Variants in TCF12 observed in about 807,000 individuals in gnomAD.
TCF12 encodes the protein DNA-binding protein HTF4.
In TCF12, 45 loss-of-function variants were observed where a neutral mutation model predicts 86.0. The ratio of observed to expected loss-of-function variants is 0.52; its 90% CI spans 0.41 to 0.67. The LOEUF (loss-of-function observed/expected upper bound fraction) is 0.67. TCF12 is among the 30% of genes least tolerant of loss of function. The pLI is 0.00. For missense variants in TCF12, 881 were observed against 859.9 expected, an observed-to-expected ratio of 1.02 and a Z score of -0.31; for synonymous variants, 330 against 299.6, an observed-to-expected ratio of 1.10 and a Z score of -1.05.
At chr15:56,926,294 C>CA (rs1277834415) in intron 3 of TCF12, among the ~76,000 whole-genome samples, 2 of 141,950 alleles carry the variant, frequency 1.4e-5, no homozygotes, top group Non-Finnish European at 1.5e-5. Flanking sequence ...GCCTGGGTGA[C>CA]AGAGGGAGAC....
At chr15:57,219,068 A>C (rs1454389467) in intron 8 of TCF12, 2 of 1,053,702 alleles carry the variant, frequency 1.9e-6, no homozygotes, top group African/African-American at 1.7e-5. Context: ...GTAACGCTGG[A>C]GGTGTAGCAA....
chr15:56,931,069 G>A (rs534428656), intron 3 of TCF12, among the ~76,000 whole-genome samples: 4 of 151,402 alleles, frequency 2.6e-5, no homozygotes, highest in South Asian at 2.1e-4. Context: ...CCTCTCCCTC[G>A]TTCCTTCACC....
At chr15:57,104,096 A>G (rs1318507621) in intron 5 of TCF12, among the ~76,000 whole-genome samples, 1 of 152,228 alleles carries the variant, frequency 6.6e-6, no homozygotes, top group Non-Finnish European at 1.5e-5. Context: ...AGAGTAATGT[A>G]TTATTGCAGT....
intron 4 of TCF12, among the ~76,000 whole-genome samples, chr15:57,066,823 A>G (rs2068919703): frequency 6.6e-6 from 1 of 152,214 alleles, no homozygotes; most frequent in South Asian, 2.1e-4. Context: ...ATTGTATGTT[A>G]TATGTTACTG....
At chr15:57,024,214 G>GTTTT in intron 3 of TCF12, among the ~76,000 whole-genome samples, 1 of 114,864 alleles carries the variant, frequency 8.7e-6, no homozygotes, top group African/African-American at 3.9e-5. Flanking sequence ...TCAAAAAAGT[G>GTTTT]TCTTTTTTTT....
chr15:56,920,927 T>C, intron 2 of TCF12, 99 bp from the exon 3 acceptor site: 1 of 866,376 alleles, frequency 1.2e-6, no homozygotes, highest in Non-Finnish European at 1.7e-6. Flanking sequence ...AACTTCCCTC[T>C]GAAATTTAAT....
At chr15:57,091,739 C>G in intron 4 of TCF12, 50 bp from the exon 5 acceptor site, 1 of 1,379,768 alleles carries the variant, frequency 7.2e-7, no homozygotes, top group Non-Finnish European at 1.0e-6. Context: ...GCTCAATTAG[C>G]GGGACTGCCA....
At chr15:56,930,694 T>G (rs893068478) in intron 3 of TCF12, among the ~76,000 whole-genome samples, 1 of 147,642 alleles carries the variant, frequency 6.8e-6, no homozygotes, top group Non-Finnish European at 1.5e-5. Flanking sequence ...TTTATCTAAG[T>G]ATCAGCTAGT....
intron 5 of TCF12, among the ~76,000 whole-genome samples, chr15:57,155,913 T>C (rs917331934): frequency 6.6e-6 from 1 of 152,220 alleles, no homozygotes; most frequent in Non-Finnish European, 1.5e-5. Context: ...GCTATTTATG[T>C]ATTTTCTTTA....
rs71113066 is a variant in TCF12 at position 57,123,968 on chromosome 15, C to CAAAA, written c.325+32088_325+32091dup. Reference sequence around the variant, plus strand: ...TGGGCGACAGAGTGAGACTCCGTCTCAAAAAAAAAAAAAATTTTTTTTTTT... The same window carrying CAAAA: ...TGGGCGACAGAGTGAGACTCCGTCTCAAAAAAAAAAAAAAAAAATTTTTTTTTTT... On this transcript the variant is annotated intron_variant, in intron 5 of 20. Coordinates refer to ENST00000333725, the MANE Select transcript of TCF12 (RefSeq NM_207037.2). Among the ~76,000 whole-genome samples, 24 of 81,098 alleles carry CAAAA rather than the reference C, an allele frequency of 3.0e-4. 2 individuals carry two copies. The East Asian group carries it at 5.5e-3, about 19-fold the overall frequency. 53.2% of individuals were successfully genotyped at this position (81,098 alleles called of 152,430 possible). A position where few individuals can be genotyped will look rare whatever the true frequency, so the allele number is the denominator to read the frequency against.
intron 3 of TCF12, among the ~76,000 whole-genome samples, chr15:56,955,373 A>AAG: frequency 6.6e-6 from 1 of 151,496 alleles, no homozygotes; most frequent in Admixed American, 6.6e-5. Flanking sequence ...GACACAGGGT[A>AAG]GGGAACATCA....
At chr15:57,127,452 A>G (rs1292715682) in intron 5 of TCF12, among the ~76,000 whole-genome samples, 1 of 152,152 alleles carries the variant, frequency 6.6e-6, no homozygotes, top group African/African-American at 2.4e-5. Flanking sequence ...GGCAACCTAT[A>G]ATAGAGTAGC....
At chr15:57,275,217 A>G (rs1401364217) in intron 19 of TCF12, among the ~76,000 whole-genome samples, 2 of 152,156 alleles carry the variant, frequency 1.3e-5, no homozygotes, top group South Asian at 4.1e-4. Flanking sequence ...TAACTTCGTT[A>G]GGGATTGCTT....
Position 57,273,234 on chromosome 15 carries a change from C to G in TCF12, c.1950C>G (p.Val650=), listed in dbSNP as rs77034126. The change falls in exon 19 of 21, where the codon GTC becomes GTG. Residue 650 remains valine, a synonymous_variant. Coordinates refer to ENST00000333725, the MANE Select transcript of TCF12 (RefSeq NM_207037.2). The part of the protein sequence containing the change: ...KLLILHQAVA[V]ILSLEQQVRE... ...TTATTCTTCATCAAGCCGTGGCAGT[C>G]ATCCTTAGTCTAGAACAGCAAGTCA... 6.2e-7 allele frequency: 1 copy of G among 1,614,132 alleles called. No individual in the cohort carries two copies. Among genetic ancestry groups the G allele is most frequent in the Admixed American group, 1.7e-5 (1 of 60,020 alleles).
chr15:57,068,250 G>A (rs2069073427), intron 4 of TCF12, among the ~76,000 whole-genome samples: 1 of 152,076 alleles, frequency 6.6e-6, no homozygotes, highest in Admixed American at 6.6e-5. Flanking sequence ...GCAATATATG[G>A]AAATTGCATA....
chr15:57,282,545 T>C lies in TCF12; in HGVS notation c.2079T>C (p.His693=). 1 of 1,614,212 alleles carries C rather than the reference T, an allele frequency of 6.2e-7. No individual in the cohort carries two copies. Among genetic ancestry groups the C allele is most frequent in the Admixed American group, 1.7e-5 (1 of 60,028 alleles). The change falls in exon 20 of 21, where the codon CAT becomes CAC. Residue 693 remains histidine (H), a synonymous_variant. Coordinates refer to ENST00000333725, the MANE Select transcript of TCF12 (RefSeq NM_207037.2). ...CGCCAACCACACTGCCAGGAACCCA[T>C]CCTGGGCTTAGTGAAACTACCAACC... ...AEPPTTLPGT[H]PGLSETTNPM...
At chr15:57,052,270 G>C (rs1309854416) in intron 3 of TCF12, among the ~76,000 whole-genome samples, 3 of 152,136 alleles carry the variant, frequency 2.0e-5, no homozygotes, top group Non-Finnish European at 2.9e-5. Flanking sequence ...TTGGTCATCA[G>C]TTGTATCTTT....
intron 8 of TCF12, among the ~76,000 whole-genome samples, chr15:57,223,716 TAA>T (rs2058736557): frequency 6.8e-6 from 1 of 146,198 alleles, no homozygotes; most frequent in African/African-American, 2.5e-5. Flanking sequence ...TAAATACTTA[TAA>T]GACTTATTTT....
At chr15:57,202,851 A>C (rs1272541268) in intron 8 of TCF12, among the ~76,000 whole-genome samples, 2 of 152,188 alleles carry the variant, frequency 1.3e-5, no homozygotes, top group Admixed American at 1.3e-4. Context: ...TTGTGAGAGT[A>C]TTATGTACCT....
Sources: gnomAD v4.1 joint callset for allele counts (sites outside exome capture counted in the v4.1 genomes callset) on GRCh38, gnomAD v4.1.1 for gene constraint, MANE v1.5 for transcripts, NCBI Gene and HGNC (gene_info 2026-07-23, HGNC 2026-07-21) for gene names.